DGKA: variants seen among roughly 807,000 people sequenced by gnomAD.
DGKA encodes 80 kDa diacylglycerol kinase.
Under a neutral mutation model 105.0 loss-of-function variants are expected in DGKA, and 35 were observed. The observed-to-expected ratio is 0.33, with a 90% CI of 0.25 to 0.44. DGKA has a LOEUF of 0.44. DGKA is among the 20% of genes least tolerant of loss of function. The pLI, the probability that DGKA is intolerant of heterozygous loss-of-function variation, is 1.00. For synonymous variants in DGKA, 296 were observed against 332.0 expected (o/e 0.89, Z 1.18); for missense variants, 665 against 915.0 (o/e 0.73, Z 3.53).
rs76526573 is a variant in DGKA at position 55,953,793 on chromosome 12, C to T, written c.*25C>T. 2.5e-3 allele frequency: 4,078 copies of T among 1,604,614 alleles called. 10 individuals are homozygous for T. The highest frequency in any genetic ancestry group is 2.8e-3 in the Non-Finnish European group (3,313 of 1,171,470). On this transcript the variant is annotated 3_prime_UTR_variant, in exon 24 of 24. Transcript: ENST00000331886. ...AGGGGGACACCCTTGGCCTCCAAGC[C>T]AGCCTTGAACCCACCTCCCTGTCCC... is the stretch of plus-strand genomic sequence containing the variant.
chr12:55,942,224 A>C lies in DGKA; in HGVS notation c.1387A>C (p.Thr463Pro). The change falls in exon 17 of 24, where the codon ACT becomes CCT. Residue 463 changes from threonine to proline, a missense_variant. Physicochemically the swap from Thr to Pro is conservative, Grantham distance 38. This residue lies in a region of DGKA where 504 missense variants were observed against 681.2 expected (regional missense o/e 0.74). Coordinates refer to ENST00000331886, the MANE Select transcript of DGKA (RefSeq NM_001345.5). The part of the protein sequence containing the change: ...LPPVAVLPLG[T>P]GNDLARCLRW... ...TCCTGTTGCTGTGTTGCCCCTGGGTACTGGAAATGATCTGGCTCGATGCCT... is the reference window on the plus strand; with the variant it reads ...TCCTGTTGCTGTGTTGCCCCTGGGTCCTGGAAATGATCTGGCTCGATGCCT... 1 of 1,614,166 alleles carries C rather than the reference A, an allele frequency of 6.2e-7. No individual in the cohort carries two copies. The highest frequency in any genetic ancestry group is 8.5e-7 in the Non-Finnish European group (1 of 1,180,024).
intron 9 of DGKA, 45 bp downstream of exon 9, chr12:55,939,574 C>A: frequency 6.3e-7 from 1 of 1,585,014 alleles, no homozygotes; most frequent in East Asian, 2.2e-5. Context: ...GTCAGCCCAG[C>A]TATCTGTGGG....
In DGKA at chr12:55,952,199, G is replaced by A. The variant is rs1888302005; in HGVS notation, c.1652+100G>A. 1 of 1,545,256 alleles carries A rather than the reference G, an allele frequency of 6.5e-7. No homozygotes were observed. Among genetic ancestry groups the A allele is most frequent in the South Asian group, 1.1e-5 (1 of 89,492 alleles). On this transcript the variant is annotated intron_variant, in intron 19 of 23. Coordinates refer to ENST00000331886, the MANE Select transcript of DGKA (RefSeq NM_001345.5). This position sits in a 1 kb window ranked among gnomAD's most constrained non-coding sequence, Gnocchi z 5.1. ...GCTCAGAAGAACAGTGGCACCTCTAGGAGGTCCCCCCAACCAAAGCCACCC... is the reference window on the plus strand; with the variant it reads ...GCTCAGAAGAACAGTGGCACCTCTAAGAGGTCCCCCCAACCAAAGCCACCC...
Position 55,938,980 on chromosome 12 carries a change from G to A in DGKA, c.465G>A (p.Glu155=). The change falls in exon 7 of 24, where the codon GAG becomes GAA. Residue 155 remains glutamate, a synonymous_variant. Transcript: ENST00000331886. ...VAEYLDWDVS[E]LRPILQEMMK... The stretch of plus-strand genomic sequence containing the variant: ...AATACCTGGATTGGGATGTGTCTGA[G>A]CTGAGGCCGGTAAGGCAGCTCTTCC... The A allele has an allele frequency of 1.9e-6, 3 of 1,614,202 alleles. No homozygotes were observed. Among genetic ancestry groups the A allele is most frequent in the Non-Finnish European group, 2.5e-6 (3 of 1,180,038 alleles).
intron 1 of DGKA, chr12:55,931,968 G>C (rs1044439515): frequency 2.0e-5 from 3 of 148,632 alleles, no homozygotes; most frequent in Non-Finnish European, 4.5e-5. Context: ...GCGCGGGCGC[G>C]GCGGGCAGGC....
chr12:55,952,710 T>C lies in DGKA; in HGVS notation c.1744-24T>C. On this transcript the variant is annotated intron_variant, in intron 20 of 23. Transcript: ENST00000331886. This position sits in a 1 kb window ranked among gnomAD's most constrained non-coding sequence, Gnocchi z 5.1. ...GGTGAGGATCTGTACCCTCCCTAAC[T>C]GGGACTGTGCCCCCTCCTCTCAGAT... 1 of 1,613,570 alleles carries C rather than the reference T, an allele frequency of 6.2e-7. No homozygotes were observed. The highest frequency in any genetic ancestry group is 1.7e-5 in the Admixed American group (1 of 60,006).
rs1885381874 is a variant in DGKA at position 55,939,176 on chromosome 12, C to A, written c.475-10C>A. The A allele has an allele frequency of 6.2e-7, 1 of 1,613,374 alleles. No individual in the cohort carries two copies. Among genetic ancestry groups the A allele is most frequent in the Admixed American group, 1.7e-5 (1 of 59,944 alleles). ...CTCATACTGAAAGTCCCTTTCCACT[C>A]TGTGCTCAGATTCTTCAGGAGATGA... On this transcript the variant is annotated splice_polypyrimidine_tract_variant and intron_variant, in intron 7 of 23. Transcript: ENST00000331886.
Position 55,953,816 on chromosome 12 carries a change from C to A in DGKA, c.*48C>A. On this transcript the variant is annotated 3_prime_UTR_variant, in exon 24 of 24. Transcript: ENST00000331886. Reference sequence around the variant, plus strand: ...GCCAGCCTTGAACCCACCTCCCTGTCCCTGGACTCTACTCCCGAGGCTCTG... The same window carrying A: ...GCCAGCCTTGAACCCACCTCCCTGTACCTGGACTCTACTCCCGAGGCTCTG... 1 of 1,536,466 alleles carries A rather than the reference C, an allele frequency of 6.5e-7. No homozygotes were observed. The highest frequency in any genetic ancestry group is 9.0e-7 in the Non-Finnish European group (1 of 1,110,274).
At chr12:55,928,672 G>A (rs1246520499), upstream of DGKA, among the ~76,000 whole-genome samples, 5 of 49,960 alleles carry the variant, frequency 1.0e-4, no homozygotes, top group Non-Finnish European at 1.3e-4. Flanking sequence ...GTGGGACCCC[G>A]TCTCAAAAAA....
At chr12:55,937,148 TC>T in intron 3 of DGKA, 58 bp downstream of exon 3, 1 of 1,579,500 alleles carries the variant, frequency 6.3e-7, no homozygotes, top group Non-Finnish European at 8.7e-7. Flanking sequence ...TTGTTTTTGA[TC>T]CCCAACTTCC....
At position 55,952,623 on chromosome 12, in the gene DGKA, T is replaced by C; in HGVS notation, c.1744-111T>C. 2 of 1,361,676 alleles carry C rather than the reference T, an allele frequency of 1.5e-6. No homozygotes were observed. 84.3% of individuals were successfully genotyped at this position (1,361,676 alleles called of 1,614,324 possible). ...TTTCCATTCCTTGCACACCTCCAAA[T>C]CCTGCCTTCTCCAGTTTGTCATCTG... On this transcript the variant is annotated intron_variant, in intron 20 of 23. Transcript: ENST00000331886. This position sits in a 1 kb window ranked among gnomAD's most constrained non-coding sequence, Gnocchi z 5.1.
At chr12:55,942,115 T>C in intron 16 of DGKA, 32 bp downstream of exon 16, 1 of 1,613,846 alleles carries the variant, frequency 6.2e-7, no homozygotes, top group Non-Finnish European at 8.5e-7. Flanking sequence ...GGGAAGGTAT[T>C]GGGGTCGTAG....
rs75353982 is a variant in DGKA at position 55,945,770 on chromosome 12, T to C, written c.1426+3507T>C. ...TTGGTACCACCCAGATGATCCAGTA[T>C]GATCCCCCATCTCAAAATCCTCATT... is the stretch of plus-strand genomic sequence containing the variant. On this transcript the variant is annotated intron_variant, in intron 17 of 23. Transcript: ENST00000331886. Among the ~76,000 whole-genome samples the C allele has an allele frequency of 1.3e-3, 200 of 151,994 alleles. No individual in the cohort carries two copies. The East Asian group carries it at 0.023, about 17-fold the overall frequency.
rs753461839 is a variant in DGKA, at chr12:55,939,215, C to T, written c.504C>T (p.Asp168=). Residue 168 remains aspartate, a synonymous_variant, in exon 8 of 24, where the codon GAC becomes GAT. Coordinates refer to ENST00000331886, the MANE Select transcript of DGKA (RefSeq NM_001345.5). ...TTCAGGAGATGATGAAAGAGATTGA[C>T]TATGATGGCAGTGGCTCTGTCTCTC... ...PILQEMMKEI[D]YDGSGSVSQA... 6.8e-6 allele frequency: 11 copies of T among 1,614,086 alleles called. No individual in the cohort carries two copies. In the South Asian group the frequency reaches 1.1e-4, roughly 16 times the overall value.
At position 55,941,275 on chromosome 12, in the gene DGKA, C is replaced by T; in HGVS notation, c.1125C>T (p.His375=). 2 of 1,613,626 alleles carry T rather than the reference C, an allele frequency of 1.2e-6. No individual in the cohort carries two copies. The highest frequency in any genetic ancestry group is 1.7e-6 in the Non-Finnish European group (2 of 1,179,598). ...AGATTGACCCTGTTCCTAACACCCA[C>T]CCACTTCTCGTCTTTGTCAATCCTA... ...ALRIDPVPNT[H]PLLVFVNPKS... is the part of the protein sequence containing the mutation. Residue 375 remains histidine, a synonymous_variant, in exon 14 of 24, where the codon CAC becomes CAT. Transcript: ENST00000331886.
chr12:55,931,597 C>G (rs1455050740), intron 1 of DGKA: 4 of 152,660 alleles, frequency 2.6e-5, no homozygotes, highest in Non-Finnish European at 5.8e-5. Flanking sequence ...GTGGGATCTC[C>G]TGAGTGTGAA....
At position 55,952,001 on chromosome 12, in the gene DGKA, C is replaced by G; in HGVS notation, c.1588-34C>G. 1 of 1,611,674 alleles carries G rather than the reference C, an allele frequency of 6.2e-7. No individual in the cohort carries two copies. The highest frequency in any genetic ancestry group is 8.5e-7 in the Non-Finnish European group (1 of 1,178,164). Reference sequence around the variant, plus strand: ...GGGAGACCGGGAGGGAGAGATTGAGCTCTGTACTGACCTTCATGTCCCGAA... The same window carrying G: ...GGGAGACCGGGAGGGAGAGATTGAGGTCTGTACTGACCTTCATGTCCCGAA... On this transcript the variant is annotated intron_variant, in intron 18 of 23. Transcript: ENST00000331886. The surrounding 1 kb of genome is among the most constrained non-coding windows in gnomAD (Gnocchi z 5.1).
intron 1 of DGKA, 139 bp from the exon 2 acceptor site, chr12:55,936,284 G>T: frequency 1.0e-6 from 1 of 962,792 alleles, no homozygotes; most frequent in Non-Finnish European, 1.5e-6. Flanking sequence ...ACAGGGAAAG[G>T]AAGATGTTTA....
Position 55,952,979 on chromosome 12 carries a change from G to C in DGKA, c.1942+47G>C. 1 of 1,614,076 alleles carries C rather than the reference G, an allele frequency of 6.2e-7. No homozygotes were observed. The highest frequency in any genetic ancestry group is 8.5e-7 in the Non-Finnish European group (1 of 1,179,938). ...GCTGAGTGGGCAGGACGAAGGGAAA[G>C]TGTGACTCCCTATGGGGATACCCTG... On this transcript the variant is annotated intron_variant, in intron 21 of 23. Transcript: ENST00000331886. This position sits in a 1 kb window ranked among gnomAD's most constrained non-coding sequence, Gnocchi z 5.1.
Sources: allele counts gnomAD v4.1 joint callset (sites outside exome capture counted in the v4.1 genomes callset), GRCh38; gene constraint gnomAD v4.1.1; regional missense constraint gnomAD v4.1.1; non-coding constraint Gnocchi (gnomAD v3.1); transcripts MANE v1.5; gene names NCBI Gene and HGNC (gene_info 2026-07-23, HGNC 2026-07-21).